Variants in GAS2L3 observed in about 807,000 individuals in gnomAD.
GAS2L3 encodes growth arrest specific 2 like 3.
A neutral mutation model predicts 37.0 loss-of-function variants in GAS2L3; 28 were observed. The observed-to-expected ratio is 0.76, with a 90% CI of 0.56 to 1.04. The LOEUF (loss-of-function observed/expected upper bound fraction) is 1.04. Ranked by LOEUF, GAS2L3 falls within the 50% of genes least tolerant of loss-of-function variation. The pLI is 0.00. For missense variants in GAS2L3, 793 were observed against 817.6 expected (o/e 0.97, Z 0.37); for synonymous variants, 290 against 296.6 (o/e 0.98, Z 0.23).
chr12:100,623,855 A>C lies in GAS2L3; in HGVS notation c.1050A>C (p.Pro350=). ...PKSKEKQGRP[P]GALVPASSLK... ...GCAAAGAAAAACAGGGACGTCCACC[A>C]GGTGCATTGGTGCCAGCATCTTCAC... Residue 350 remains proline, a synonymous_variant, in exon 10 of 10, where the codon CCA becomes CCC. Coordinates refer to ENST00000547754, the MANE Select transcript of GAS2L3 (RefSeq NM_174942.3). The C allele has an allele frequency of 6.2e-7, 1 of 1,614,064 alleles. No homozygotes were observed. The highest frequency in any genetic ancestry group is 1.3e-5 in the African/African-American group (1 of 75,038).
intron 1 of GAS2L3, among the ~76,000 whole-genome samples, chr12:100,591,084 ATAAAAAATAAAAG>A (rs1208031432): frequency 2.0e-5 from 3 of 152,174 alleles, no homozygotes; most frequent in Non-Finnish European, 4.4e-5. Flanking sequence ...TTATAGAAAA[ATAAAAAATAAAAG>A]TAAAAAATAA....
intron 1 of GAS2L3, among the ~76,000 whole-genome samples, chr12:100,576,485 G>T (rs1955638595): frequency 3.9e-5 from 6 of 152,064 alleles, no homozygotes; most frequent in Admixed American, 3.9e-4. Flanking sequence ...TCATGCAATG[G>T]ACATAGAATG....
chr12:100,602,637 A>G (rs142064700), intron 5 of GAS2L3, among the ~76,000 whole-genome samples: 3 of 152,278 alleles, frequency 2.0e-5, no homozygotes, highest in Non-Finnish European at 2.9e-5. Flanking sequence ...TCTTTGTGTT[A>G]CAAGCCATCC....
chr12:100,579,332 G>A (rs1955678860), intron 1 of GAS2L3: 2 of 671,708 alleles, frequency 3.0e-6, no homozygotes, highest in African/African-American at 1.8e-5. Context: ...ACTACGAGCG[G>A]CACTGATTAC....
At chr12:100,622,474 T>A in intron 9 of GAS2L3, 92 bp downstream of exon 9, 1 of 629,532 alleles carries the variant, frequency 1.6e-6, no homozygotes, top group Non-Finnish European at 2.8e-6. Context: ...CTTTTACTTT[T>A]AAAAACATTG....
At chr12:100,610,964 A>G (rs1479027145) in intron 5 of GAS2L3, 1 of 151,962 alleles carries the variant, frequency 6.6e-6, no homozygotes, top group East Asian at 1.9e-4. Context: ...GAAGGAAGTA[A>G]GCAAAAATGG....
At chr12:100,609,092 A>T (rs1349316795) in intron 5 of GAS2L3, among the ~76,000 whole-genome samples, 1 of 151,888 alleles carries the variant, frequency 6.6e-6, no homozygotes, top group Non-Finnish European at 1.5e-5. Context: ...AGTTCCAGAA[A>T]TGCTGACCAA....
At chr12:100,605,351 C>T (rs1442496024) in intron 5 of GAS2L3, among the ~76,000 whole-genome samples, 1 of 151,780 alleles carries the variant, frequency 6.6e-6, no homozygotes, top group Admixed American at 6.6e-5. Context: ...TGTAATGTCT[C>T]CTTTTTCATC....
At chr12:100,602,115 A>G (rs1265955055) in intron 5 of GAS2L3, among the ~76,000 whole-genome samples, 2 of 152,110 alleles carry the variant, frequency 1.3e-5, no homozygotes, top group East Asian at 1.9e-4. Context: ...CATTAACATA[A>G]CTTCCTTGTA....
chr12:100,581,652 A>T (rs1438925750), intron 1 of GAS2L3, among the ~76,000 whole-genome samples: 1 of 152,214 alleles, frequency 6.6e-6, no homozygotes, highest in Non-Finnish European at 1.5e-5. Context: ...GAAGTTAGGG[A>T]GTTCTTTTGT....
chr12:100,597,849 A>G (rs1955934260), intron 3 of GAS2L3, among the ~76,000 whole-genome samples: 1 of 152,140 alleles, frequency 6.6e-6, no homozygotes, highest in Non-Finnish European at 1.5e-5. Flanking sequence ...GCCTCAAATT[A>G]ACCTCAATAA....
At chr12:100,580,093 A>G in intron 1 of GAS2L3, 2 of 1,168,852 alleles carry the variant, frequency 1.7e-6, no homozygotes, top group South Asian at 2.4e-5. Context: ...GATTCTTATC[A>G]TTGATACTGG....
chr12:100,604,474 G>GTGTT (rs1956031263), intron 5 of GAS2L3, among the ~76,000 whole-genome samples: 1 of 129,304 alleles, frequency 7.7e-6, no homozygotes, highest in South Asian at 2.5e-4. Flanking sequence ...AGCTGTAGTT[G>GTGTT]TTTTTTTTTT....
chr12:100,616,140 C>G (rs1956184932), intron 6 of GAS2L3, among the ~76,000 whole-genome samples: 1 of 152,076 alleles, frequency 6.6e-6, no homozygotes, highest in Admixed American at 6.5e-5. Context: ...TATTTATAAT[C>G]TTTTAAAATT....
intron 1 of GAS2L3, among the ~76,000 whole-genome samples, chr12:100,585,646 A>G (rs1054580557): frequency 2.6e-5 from 4 of 152,112 alleles, no homozygotes; most frequent in Non-Finnish European, 5.9e-5. Context: ...TCTCTGCTCA[A>G]ATTCCCTAAG....
chr12:100,595,488 G>C (rs1222886463), intron 3 of GAS2L3, among the ~76,000 whole-genome samples: 1 of 150,894 alleles, frequency 6.6e-6, no homozygotes, highest in Non-Finnish European at 1.5e-5. Flanking sequence ...ATGATTTCCA[G>C]AGTTGGTGTT....
chr12:100,620,251 C>A (rs1364953040), intron 8 of GAS2L3, among the ~76,000 whole-genome samples: 1 of 151,812 alleles, frequency 6.6e-6, no homozygotes, highest in African/African-American at 2.4e-5. Context: ...TCATTGTGAT[C>A]ATTGTGAAGA....
intron 2 of GAS2L3, chr12:100,593,970 AGTGGT>A (rs1955878844): frequency 2.0e-5 from 3 of 152,082 alleles, no homozygotes; most frequent in African/African-American, 7.2e-5. Context: ...CTGAAAGGAA[AGTGGT>A]ATGTATAGTT....
intron 1 of GAS2L3, among the ~76,000 whole-genome samples, chr12:100,587,344 A>G (rs1194830348): frequency 6.6e-6 from 1 of 152,248 alleles, no homozygotes; most frequent in Non-Finnish European, 1.5e-5. Context: ...ACAAAATACT[A>G]GCTAACTGAA....
Sources: gnomAD v4.1 joint callset for allele counts (sites outside exome capture counted in the v4.1 genomes callset) on GRCh38, gnomAD v4.1.1 for gene constraint, MANE v1.5 for transcripts, NCBI Gene and HGNC (gene_info 2026-07-23, HGNC 2026-07-21) for gene names.